LAMA2: variants seen among roughly 807,000 people sequenced by gnomAD.
LAMA2 encodes laminin subunit alpha-2.
LAMA2 carries 269 observed loss-of-function variants against 364.8 expected under a neutral mutation model. That is an observed-to-expected ratio of 0.74 (90% confidence interval 0.67 to 0.82). LAMA2 has a LOEUF of 0.82. Among genes scored for constraint, LAMA2 ranks in the 40% least tolerant of loss-of-function variants. The pLI is 0.00. For synonymous variants in LAMA2, 1,379 were observed against 1,370.6 expected, an observed-to-expected ratio of 1.01 and a Z score of -0.14; for missense variants, 3,807 against 3,873.2, an observed-to-expected ratio of 0.98 and a Z score of 0.45.
chr6:129,163,845 T>C (rs1779585418), intron 8 of LAMA2, among the ~76,000 whole-genome samples: 1 of 152,176 alleles, frequency 6.6e-6, no homozygotes, highest in African/African-American at 2.4e-5. Context: ...GTATTTTACT[T>C]TTCAGCTTTC....
chr6:128,939,668 A>G (rs1035374807), intron 1 of LAMA2, among the ~76,000 whole-genome samples: 1 of 152,176 alleles, frequency 6.6e-6, no homozygotes, highest in African/African-American at 2.4e-5. Flanking sequence ...GTCATTTTCA[A>G]TGGCAGAGAG....
At position 129,514,523 on chromosome 6, in the gene LAMA2, GAAGCCCA is replaced by G. The variant is rs1323340608; in HGVS notation, c.9149_9155del (p.Ser3050ThrfsTer27). The stretch of plus-strand genomic sequence containing the variant: ...GCTCACAGTCGATGGGAACCAGGTG[GAAGCCCA>G]AAGCCCAAACCCAGCATCTACATCA... On this transcript the variant is annotated frameshift_variant, in exon 64 of 65. Transcript: ENST00000421865. LOFTEE classifies it high-confidence loss of function. 2 of 1,613,998 alleles carry G rather than the reference GAAGCCCA, an allele frequency of 1.2e-6. No individual in the cohort carries two copies. Among genetic ancestry groups the G allele is most frequent in the Non-Finnish European group, 8.5e-7 (1 of 1,180,006 alleles).
intron 51 of LAMA2, among the ~76,000 whole-genome samples, chr6:129,468,168 T>C (rs924690728): frequency 6.3e-4 from 95 of 151,994 alleles, no homozygotes; most frequent in Middle Eastern, 3.4e-3. Context: ...ATTAATGACA[T>C]GAATCATTCT....
chr6:129,081,431 T>A (rs1774051541), intron 3 of LAMA2, among the ~76,000 whole-genome samples: 1 of 152,216 alleles, frequency 6.6e-6, no homozygotes, highest in African/African-American at 2.4e-5. Context: ...AATGTCCGTA[T>A]ATTTTCTTGA....
intron 16 of LAMA2, among the ~76,000 whole-genome samples, chr6:129,267,594 G>C: frequency 6.6e-6 from 1 of 152,070 alleles, no homozygotes; most frequent in East Asian, 1.9e-4. Flanking sequence ...TATGAAAAGT[G>C]TAAAATATAA....
intron 17 of LAMA2, among the ~76,000 whole-genome samples, chr6:129,271,043 C>G (rs1787896199): frequency 6.6e-6 from 1 of 152,084 alleles, no homozygotes; most frequent in South Asian, 2.1e-4. Context: ...TATACAAACA[C>G]ATACATGTGC....
chr6:129,304,373 C>G (rs1485815576), intron 22 of LAMA2, among the ~76,000 whole-genome samples: 1 of 152,152 alleles, frequency 6.6e-6, no homozygotes, highest in Non-Finnish European at 1.5e-5. Context: ...ACGCCATTCT[C>G]CTGCCTCAGC....
intron 12 of LAMA2, among the ~76,000 whole-genome samples, chr6:129,208,903 C>A (rs1206011889): frequency 2.6e-5 from 4 of 152,076 alleles, no homozygotes; most frequent in Non-Finnish European, 5.9e-5. Context: ...ACTGTCAGGA[C>A]CTGTCTTAGA....
intron 1 of LAMA2, among the ~76,000 whole-genome samples, chr6:128,964,488 G>A (rs1781723390): frequency 6.6e-6 from 1 of 151,900 alleles, no homozygotes; most frequent in African/African-American, 2.4e-5. Context: ...CATAATATTT[G>A]GCTCCAATTT....
Position 129,192,756 on chromosome 6 carries a change from A to C in LAMA2, c.1685A>C (p.Asp562Ala). The C allele has an allele frequency of 6.2e-7, 1 of 1,614,068 alleles. No individual in the cohort carries two copies. The highest frequency in any genetic ancestry group is 1.1e-5 in the South Asian group (1 of 91,070). ...IRVAPQQDDL[D>A]SPQQISISNA... ...GTGGCTCCCCAGCAGGACGACTTGGACTCACCTCAGCAGATCAGCATCAGT... is the reference window on the plus strand; with the variant it reads ...GTGGCTCCCCAGCAGGACGACTTGGCCTCACCTCAGCAGATCAGCATCAGT... Residue 562 changes from aspartate (D) to alanine (A), a missense_variant, in exon 12 of 65, where the codon GAC (aspartate) becomes GCC (alanine). Asp to Ala is a moderately radical substitution (Grantham distance 126, BLOSUM62 -2). Transcript: ENST00000421865.
At chr6:129,215,039 T>C (rs1783338513) in intron 12 of LAMA2, among the ~76,000 whole-genome samples, 1 of 152,202 alleles carries the variant, frequency 6.6e-6, no homozygotes, top group Non-Finnish European at 1.5e-5. Flanking sequence ...CTAGTATAAA[T>C]GGTCTTGTGT....
chr6:129,181,621 T>C (rs1163250266), intron 10 of LAMA2, among the ~76,000 whole-genome samples: 1 of 151,752 alleles, frequency 6.6e-6, no homozygotes, highest in African/African-American at 2.4e-5. Flanking sequence ...AACTGCAGGA[T>C]AGAAAATCAG....
At chr6:129,091,028 T>C (rs1774789791) in intron 3 of LAMA2, among the ~76,000 whole-genome samples, 1 of 152,214 alleles carries the variant, frequency 6.6e-6, no homozygotes, top group South Asian at 2.1e-4. Context: ...TTGCTTATTA[T>C]TGCTTGTTAA....
chr6:129,162,780 A>G (rs962751736), intron 8 of LAMA2, among the ~76,000 whole-genome samples: 3 of 152,098 alleles, frequency 2.0e-5, no homozygotes, highest in Non-Finnish European at 4.4e-5. Context: ...CCCGTAGACC[A>G]AATCTGACTC....
intron 40 of LAMA2, among the ~76,000 whole-genome samples, chr6:129,417,515 T>C (rs1164213010): frequency 6.6e-6 from 1 of 152,044 alleles, no homozygotes; most frequent in East Asian, 1.9e-4. Context: ...AAGTTCTCAC[T>C]CCAGTTTGTG....
At chr6:129,208,776 G>A (rs577336326) in intron 12 of LAMA2, among the ~76,000 whole-genome samples, 1 of 151,734 alleles carries the variant, frequency 6.6e-6, no homozygotes, top group Admixed American at 6.6e-5. Context: ...GGGAGGGCAA[G>A]GAAAGGAAAA....
At position 129,046,437 on chromosome 6, in the gene LAMA2, G is replaced by T. The variant is rs577474317; in HGVS notation, c.113-3481G>T. Among the ~76,000 whole-genome samples, 15 of 152,318 alleles carry T rather than the reference G, an allele frequency of 9.8e-5. No individual in the cohort carries two copies. The East Asian group carries it at 1.2e-3, about 12-fold the overall frequency. ...CATGGTGGCAGGCAAGAGAGCATGT[G>T]CAGGGGAACTGCACTTTATAAAATC... On this transcript the variant is annotated intron_variant, in intron 1 of 64. Coordinates refer to ENST00000421865, the MANE Select transcript of LAMA2 (RefSeq NM_000426.4).
At chr6:129,452,139 A>G (rs954280686) in intron 45 of LAMA2, among the ~76,000 whole-genome samples, 1 of 152,214 alleles carries the variant, frequency 6.6e-6, no homozygotes, top group Non-Finnish European at 1.5e-5. Context: ...CTATTTTGCT[A>G]TCCTGAAAGT....
intron 12 of LAMA2, among the ~76,000 whole-genome samples, chr6:129,240,144 A>C (rs1430914597): frequency 6.6e-6 from 1 of 152,232 alleles, no homozygotes; most frequent in Non-Finnish European, 1.5e-5. Context: ...CATAGGAGAA[A>C]GATGAAGACT....
Sources: allele counts gnomAD v4.1 joint callset (sites outside exome capture counted in the v4.1 genomes callset), GRCh38; gene constraint gnomAD v4.1.1; transcripts MANE v1.5; gene names NCBI Gene and HGNC (gene_info 2026-07-23, HGNC 2026-07-21).